The following ACVR1 variants were observed in gnomAD, a reference collection of about 807,000 sequenced individuals.
The protein encoded by ACVR1 is activin A receptor type 1, also known as activin receptor type-1.
ACVR1 carries 38 observed loss-of-function variants against 57.1 expected under a neutral mutation model. That is an observed-to-expected ratio of 0.67 (90% CI 0.51 to 0.87). ACVR1 has a LOEUF of 0.87. Among genes scored for constraint, ACVR1 ranks in the 40% least tolerant of loss-of-function variants. The pLI is 0.00. For missense variants in ACVR1, 463 were observed against 638.2 expected (o/e 0.73, Z 2.96); for synonymous variants, 212 against 228.1 (o/e 0.93, Z 0.63).
At chr2:157,756,752 C>T (rs888198242) in intron 9 of ACVR1, among the ~76,000 whole-genome samples, 6 of 151,686 alleles carry the variant, frequency 4.0e-5, no homozygotes, top group African/African-American at 1.5e-4. Flanking sequence ...CTGGAGATTC[C>T]TTAAAGAACT....
chr2:157,810,792 A>G (rs1426481454), intron 2 of ACVR1, among the ~76,000 whole-genome samples: 1 of 152,104 alleles, frequency 6.6e-6, no homozygotes, highest in African/African-American at 2.4e-5. Flanking sequence ...CTTTCACCGA[A>G]CACTTTCTAG....
intron 1 of ACVR1, among the ~76,000 whole-genome samples, chr2:157,843,931 T>A (rs115298659): frequency 6.6e-6 from 1 of 152,222 alleles, no homozygotes; most frequent in Non-Finnish European, 1.5e-5. Flanking sequence ...CAGCATCCAT[T>A]CAAAGACGAA....
At chr2:157,815,735 G>A (rs1055420124) in intron 2 of ACVR1, among the ~76,000 whole-genome samples, 8 of 152,290 alleles carry the variant, frequency 5.3e-5, no homozygotes, top group African/African-American at 1.7e-4. Context: ...TCAAAGGATG[G>A]TAGCCAGAAC....
chr2:157,749,982 C>T (rs1685119723), intron 9 of ACVR1, among the ~76,000 whole-genome samples: 2 of 152,232 alleles, frequency 1.3e-5, no homozygotes, highest in African/African-American at 4.8e-5. Flanking sequence ...AGCCTGCTGC[C>T]ACCACTGGTG....
intron 9 of ACVR1, among the ~76,000 whole-genome samples, chr2:157,752,508 C>T (rs1685243814): frequency 2.6e-5 from 4 of 152,162 alleles, no homozygotes. Context: ...GTTTATTAAG[C>T]TAATCAAGGA....
intron 1 of ACVR1, among the ~76,000 whole-genome samples, chr2:157,848,712 G>C (rs1689204508): frequency 1.3e-5 from 2 of 152,250 alleles, no homozygotes; most frequent in Non-Finnish European, 1.5e-5. Context: ...ACATGGAAAA[G>C]AGTCTGAAAG....
chr2:157,737,587 T>A lies in ACVR1; in HGVS notation c.1474A>T (p.Lys492Ter). 6.2e-7 allele frequency: 1 copy of A among 1,614,134 alleles called. No homozygotes were observed. The change falls in exon 11 of 11, where the codon AAA becomes TAA. Residue 492 changes from lysine (K) to a stop codon, truncating the protein, a stop_gained. Transcript: ENST00000434821. LOFTEE classifies it high-confidence loss of function. ...PSARLTALRI[K>*]KTLTKIDNSL... Reference sequence around the variant, plus strand: ...TTATCAATTTTGGTCAAAGTCTTTTTGATACGCAGTGCTGTGAGTCTTGCG... The same window carrying A: ...TTATCAATTTTGGTCAAAGTCTTTTAGATACGCAGTGCTGTGAGTCTTGCG...
At chr2:157,758,343 C>G (rs960297142) in intron 9 of ACVR1, among the ~76,000 whole-genome samples, 4 of 151,946 alleles carry the variant, frequency 2.6e-5, no homozygotes, top group African/African-American at 9.7e-5. Context: ...TCCTGTGAAA[C>G]CCACAGATAC....
Position 157,813,708 on chromosome 2 carries a change from G to A in ACVR1, c.-8+4677C>T, listed in dbSNP as rs184215513. Among the ~76,000 whole-genome samples the A allele has an allele frequency of 3.9e-3, 591 of 152,314 alleles. 3 individuals are homozygous for A. Among genetic ancestry groups the A allele is most frequent in the Admixed American group, 6.5e-3 (100 of 15,302 alleles). ...ATCAGTGGATGTGGGAGGTTCTGCT[G>A]ACCTGTTTTGCTTACACAGGGACTG... On this transcript the variant is annotated intron_variant, in intron 2 of 10. Coordinates refer to ENST00000434821, the MANE Select transcript of ACVR1 (RefSeq NM_001111067.4).
At chr2:157,779,976 A>C (rs948578831) in intron 4 of ACVR1, among the ~76,000 whole-genome samples, 2 of 152,236 alleles carry the variant, frequency 1.3e-5, no homozygotes, top group East Asian at 3.9e-4. Context: ...CACAGAGATG[A>C]GTATTTACTA....
intron 1 of ACVR1, among the ~76,000 whole-genome samples, chr2:157,841,988 C>T (rs911906580): frequency 2.1e-5 from 3 of 142,324 alleles, no homozygotes; most frequent in Non-Finnish European, 3.0e-5. Context: ...GATCGTGCCA[C>T]TGCACTCCAG....
intron 7 of ACVR1, among the ~76,000 whole-genome samples, chr2:157,767,369 T>C (rs1685905684): frequency 6.6e-6 from 1 of 152,068 alleles, no homozygotes; most frequent in African/African-American, 2.4e-5. Context: ...GAGGGAACTT[T>C]TGAGCATGCA....
chr2:157,753,599 G>T (rs991548624), intron 9 of ACVR1, among the ~76,000 whole-genome samples: 19 of 152,244 alleles, frequency 1.2e-4, no homozygotes, highest in African/African-American at 4.6e-4. Context: ...ACTGGAGCTA[G>T]TAAATTTATA....
intron 3 of ACVR1, among the ~76,000 whole-genome samples, chr2:157,785,958 T>C (rs1280917509): frequency 6.6e-6 from 1 of 152,180 alleles, no homozygotes; most frequent in Non-Finnish European, 1.5e-5. Context: ...ACCTGATCCT[T>C]GCATGCTCTT....
intron 1 of ACVR1, among the ~76,000 whole-genome samples, chr2:157,867,075 A>G (rs2105384923): frequency 6.6e-6 from 1 of 152,240 alleles, no homozygotes; most frequent in African/African-American, 2.4e-5. Context: ...CTCTCCCAGA[A>G]CCTCAAACCC....
intron 3 of ACVR1, among the ~76,000 whole-genome samples, chr2:157,785,259 A>T (rs1018830838): frequency 2.6e-5 from 4 of 152,232 alleles, no homozygotes; most frequent in African/African-American, 9.6e-5. Context: ...AATAGCTCAA[A>T]ATTTGTATAG....
chr2:157,741,138 GTC>G (rs1371524332), intron 9 of ACVR1, among the ~76,000 whole-genome samples: 2 of 152,094 alleles, frequency 1.3e-5, no homozygotes, highest in African/African-American at 2.4e-5. Flanking sequence ...AGCAGGACAA[GTC>G]TCTCATTTTT....
rs1283029438 is a variant in ACVR1, at chr2:157,736,678, C to T, written c.*853G>A. ...GTGGGTAATGGCTAAATACGTTCTGCATATGAACTGAAAAAAAGTTACAGT... is the reference window on the plus strand; with the variant it reads ...GTGGGTAATGGCTAAATACGTTCTGTATATGAACTGAAAAAAAGTTACAGT... On this transcript the variant is annotated 3_prime_UTR_variant, in exon 11 of 11. Transcript: ENST00000434821. 7 of 325,468 alleles carry T rather than the reference C, an allele frequency of 2.2e-5. No individual in the cohort carries two copies. In the East Asian group the frequency reaches 2.4e-4, roughly 11 times the overall value. 20.2% of individuals were successfully genotyped at this position (325,468 alleles called of 1,614,324 possible). A position where few individuals can be genotyped will look rare whatever the true frequency, so the allele number is the denominator to read the frequency against.
intron 1 of ACVR1, among the ~76,000 whole-genome samples, chr2:157,828,725 C>T (rs552628678): frequency 1.0e-3 from 157 of 152,208 alleles, no homozygotes; most frequent in African/African-American, 3.5e-3. Context: ...TTTAATTTAG[C>T]AGTTTCATTC....
Sources: gnomAD v4.1 joint callset for allele counts (sites outside exome capture counted in the v4.1 genomes callset) on GRCh38, gnomAD v4.1.1 for gene constraint, MANE v1.5 for transcripts, NCBI Gene and HGNC (gene_info 2026-07-23, HGNC 2026-07-21) for gene names.